Variants in ZNF385B observed in about 807,000 individuals in gnomAD.
The protein encoded by ZNF385B is zinc finger protein 533.
A neutral mutation model predicts 39.2 loss-of-function variants in ZNF385B; 23 were observed. The observed-to-expected ratio is 0.59, with a 90% confidence interval of 0.42 to 0.83. The LOEUF (loss-of-function observed/expected upper bound fraction) is 0.83. ZNF385B is among the 40% of genes least tolerant of loss of function. The pLI is 0.00. For missense variants in ZNF385B, 552 were observed against 598.9 expected, an observed-to-expected ratio of 0.92 and a Z score of 0.82; for synonymous variants, 205 against 222.6, an observed-to-expected ratio of 0.92 and a Z score of 0.70.
At chr2:179,699,504 TG>T (rs1322949658) in intron 3 of ZNF385B, among the ~76,000 whole-genome samples, 1 of 152,254 alleles carries the variant, frequency 6.6e-6, no homozygotes, top group Non-Finnish European at 1.5e-5. Flanking sequence ...TTATATATTT[TG>T]GGTTTTTCAC....
At chr2:179,743,091 T>A (rs983505129) in intron 3 of ZNF385B, among the ~76,000 whole-genome samples, 1 of 152,084 alleles carries the variant, frequency 6.6e-6, no homozygotes, top group African/African-American at 2.4e-5. Flanking sequence ...ATTCTAAAAC[T>A]TTTTTAAAAA....
chr2:179,635,099 G>A (rs570883090), intron 3 of ZNF385B, among the ~76,000 whole-genome samples: 8 of 150,862 alleles, frequency 5.3e-5, no homozygotes, highest in East Asian at 3.9e-4. Context: ...CTGAGATTGC[G>A]CCACTGCACT....
chr2:179,764,619 G>A (rs1703585310), intron 3 of ZNF385B, among the ~76,000 whole-genome samples: 1 of 151,968 alleles, frequency 6.6e-6, no homozygotes, highest in Non-Finnish European at 1.5e-5. Context: ...AGTTTTCATA[G>A]TGGTTGCCAT....
intron 1 of ZNF385B, among the ~76,000 whole-genome samples, chr2:179,838,150 T>TACAG (rs1251461914): frequency 6.6e-6 from 1 of 152,240 alleles, no homozygotes; most frequent in Non-Finnish European, 1.5e-5. Context: ...TCTTGTGTTA[T>TACAG]ACAGATCAAG....
At chr2:179,708,256 G>T (rs1699762848) in intron 3 of ZNF385B, among the ~76,000 whole-genome samples, 2 of 152,190 alleles carry the variant, frequency 1.3e-5, no homozygotes, top group African/African-American at 4.8e-5. Flanking sequence ...TTGATAGTGA[G>T]TGTTTGACAA....
chr2:179,452,999 T>A (rs1423379148), intron 6 of ZNF385B, among the ~76,000 whole-genome samples: 1 of 152,164 alleles, frequency 6.6e-6, no homozygotes, highest in Admixed American at 6.6e-5. Flanking sequence ...TATTTTGGTA[T>A]ACATTACTCT....
Position 179,442,933 on chromosome 2 carries a change from T to C in ZNF385B, c.*317A>G, listed in dbSNP as rs1462607935. 1.7e-5 allele frequency: 7 copies of C among 413,894 alleles called. No individual in the cohort carries two copies. Among genetic ancestry groups the C allele is most frequent in the Admixed American group, 1.2e-4 (3 of 25,702 alleles). The allele number at this position is 413,894 out of a possible 1,614,324, so 25.6% of individuals were successfully genotyped here. A position where few individuals can be genotyped will look rare whatever the true frequency, so the allele number is the denominator to read the frequency against. ...ATACCCATGGAAAAATAGAGAATGG[T>C]TTTCTTTCTTTTTCTTTCTGACCAA... On this transcript the variant is annotated 3_prime_UTR_variant, in exon 10 of 10. Transcript: ENST00000410066.
chr2:179,565,289 A>G (rs1684427990), intron 3 of ZNF385B, among the ~76,000 whole-genome samples: 2 of 152,124 alleles, frequency 1.3e-5, no homozygotes, highest in African/African-American at 2.4e-5. Context: ...CTTAGCCCCA[A>G]TTTTCTCAGC....
At chr2:179,730,567 T>G (rs868118739) in intron 3 of ZNF385B, among the ~76,000 whole-genome samples, 3 of 152,220 alleles carry the variant, frequency 2.0e-5, no homozygotes, top group Admixed American at 1.3e-4. Context: ...TAATTTAAAA[T>G]AGTAAATGTA....
intron 3 of ZNF385B, among the ~76,000 whole-genome samples, chr2:179,576,537 G>C (rs1515307): frequency 0.68 from 103,919 of 152,018 alleles, 36,169 homozygotes; most frequent in East Asian, 0.92. Flanking sequence ...ACTCACTAAG[G>C]TTGGATGAAG....
At chr2:179,637,108 T>A (rs1329256677) in intron 3 of ZNF385B, 1 of 152,220 alleles carries the variant, frequency 6.6e-6, no homozygotes, top group African/African-American at 2.4e-5. Flanking sequence ...AATGATGTCC[T>A]TGCTCTAGTT....
chr2:179,646,801 G>T (rs921899215), intron 3 of ZNF385B, among the ~76,000 whole-genome samples: 6 of 152,164 alleles, frequency 3.9e-5, no homozygotes, highest in Non-Finnish European at 5.9e-5. Flanking sequence ...TGTGATTTTT[G>T]AATTTGCTTA....
intron 3 of ZNF385B, among the ~76,000 whole-genome samples, chr2:179,753,730 CTCTG>C (rs1702831765): frequency 6.6e-6 from 1 of 151,832 alleles, no homozygotes; most frequent in South Asian, 2.1e-4. Flanking sequence ...TGATTTGGCT[CTCTG>C]TCTGTTATTG....
intron 3 of ZNF385B, among the ~76,000 whole-genome samples, chr2:179,700,117 C>A (rs1699075272): frequency 6.6e-6 from 1 of 151,352 alleles, no homozygotes; most frequent in Non-Finnish European, 1.5e-5. Context: ...TTACCATTTT[C>A]ATCAAAAAAG....
intron 1 of ZNF385B, among the ~76,000 whole-genome samples, chr2:179,771,512 T>C (rs1167596808): frequency 6.7e-6 from 1 of 149,088 alleles, no homozygotes; most frequent in Non-Finnish European, 1.5e-5. Flanking sequence ...CTATTCCTTT[T>C]AGCTCCTGCC....
At chr2:179,481,658 C>T (rs1057365511) in intron 6 of ZNF385B, among the ~76,000 whole-genome samples, 1 of 152,152 alleles carries the variant, frequency 6.6e-6, no homozygotes, top group African/African-American at 2.4e-5. Context: ...AATAGAGTGG[C>T]ACTAACCTCC....
intron 3 of ZNF385B, among the ~76,000 whole-genome samples, chr2:179,691,396 C>T (rs1313539818): frequency 6.6e-6 from 1 of 152,144 alleles, no homozygotes. Flanking sequence ...AATGTCAGTT[C>T]TGTTGTTTAT....
Position 179,784,945 on chromosome 2 carries a change from C to G in ZNF385B, c.-154-14273G>C, listed in dbSNP as rs560722078. On this transcript the variant is annotated intron_variant, in intron 1 of 9. Coordinates refer to ENST00000410066, the MANE Select transcript of ZNF385B (RefSeq NM_152520.6). Reference sequence around the variant, plus strand: ...TTATTCTTAGGTATACTATATCCAACAGAAATATGTAGATATATTCACCAA... The same window carrying G: ...TTATTCTTAGGTATACTATATCCAAGAGAAATATGTAGATATATTCACCAA... Among the ~76,000 whole-genome samples, 4 of 152,152 alleles carry G rather than the reference C, an allele frequency of 2.6e-5. No homozygotes were observed. In the East Asian group the frequency reaches 7.7e-4, roughly 29 times the overall value.
chr2:179,533,646 G>T (rs1339772032), intron 4 of ZNF385B, among the ~76,000 whole-genome samples: 1 of 152,038 alleles, frequency 6.6e-6, no homozygotes, highest in East Asian at 1.9e-4. Flanking sequence ...AGGGAGATGT[G>T]TAAGAGTCAA....
Sources: allele counts gnomAD v4.1 joint callset (sites outside exome capture counted in the v4.1 genomes callset), GRCh38; gene constraint gnomAD v4.1.1; transcripts MANE v1.5; gene names NCBI Gene and HGNC (gene_info 2026-07-23, HGNC 2026-07-21).